Variants in EXOSC5 observed in about 807,000 individuals in gnomAD.
EXOSC5 encodes the protein exosome component 5, also known as exosome complex component RRP46.
In EXOSC5, 15 loss-of-function variants were observed where a neutral mutation model predicts 23.7. That is an observed-to-expected ratio of 0.63 (90% CI 0.42 to 0.97). The LOEUF (loss-of-function observed/expected upper bound fraction) is 0.97. Among genes scored for constraint, EXOSC5 ranks in the 50% least tolerant of loss-of-function variants. The pLI is 0.00. For synonymous variants in EXOSC5, 143 were observed against 140.9 expected (o/e 1.02, Z -0.11); for missense variants, 305 against 316.3 (o/e 0.96, Z 0.27).
At chr19:41,393,291 T>G (rs528487395) in intron 1 of EXOSC5, among the ~76,000 whole-genome samples, 198 of 152,284 alleles carry the variant, frequency 1.3e-3, no homozygotes, top group Admixed American at 2.7e-3. Flanking sequence ...TCAGGCAGGG[T>G]CTCACTCTCA....
chr19:41,396,079 C>T (rs995585522), intron 1 of EXOSC5, among the ~76,000 whole-genome samples: 5 of 152,172 alleles, frequency 3.3e-5, no homozygotes, highest in African/African-American at 1.2e-4. Flanking sequence ...ACAATCAACA[C>T]AGCAGCCAAA....
At chr19:41,395,141 C>CT (rs1435285490) in intron 1 of EXOSC5, among the ~76,000 whole-genome samples, 3 of 152,006 alleles carry the variant, frequency 2.0e-5, no homozygotes, top group Non-Finnish European at 4.4e-5. Flanking sequence ...TTAATTCTTA[C>CT]GTTCGAAGAA....
chr19:41,386,396 T>G lies in EXOSC5; in HGVS notation c.*237A>C. 1 of 488,070 alleles carries G rather than the reference T, an allele frequency of 2.0e-6. No homozygotes were observed. Among genetic ancestry groups the G allele is most frequent in the Non-Finnish European group, 3.7e-6 (1 of 272,870 alleles). 30.2% of individuals were successfully genotyped at this position (488,070 alleles called of 1,614,324 possible). The stretch of plus-strand genomic sequence containing the variant: ...TTGTTAAAGTGAATTAATTTATTGA[T>G]TCATCCATTCCATAAATGTGAGCTC... On this transcript the variant is annotated 3_prime_UTR_variant, in exon 6 of 6. Coordinates refer to ENST00000221233, the MANE Select transcript of EXOSC5 (RefSeq NM_020158.4).
At chr19:41,392,220 A>G in intron 2 of EXOSC5, 1 of 494,304 alleles carries the variant, frequency 2.0e-6, no homozygotes, top group Non-Finnish European at 3.5e-6. Flanking sequence ...GCTGCTACCC[A>G]CGCCCACTCC....
chr19:41,393,087 T>C, intron 1 of EXOSC5, 107 bp from the exon 2 acceptor site: 2 of 786,914 alleles, frequency 2.5e-6, no homozygotes, highest in South Asian at 2.9e-5. Context: ...CCCCGCCATT[T>C]GTTGGTACTG....
At position 41,391,914 on chromosome 19, in the gene EXOSC5, G is replaced by A. The variant is rs1293880910; in HGVS notation, c.311C>T (p.Ala104Val). 5.7e-6 allele frequency: 9 copies of A among 1,574,954 alleles called. No individual in the cohort carries two copies. The Admixed American group carries it at 7.6e-5, about 13-fold the overall frequency. Reference protein sequence around the residue: ...RERLIRNTCEAVVLGTLHPRT... With the variant: ...RERLIRNTCEVVVLGTLHPRT... Reference sequence around the variant, plus strand: ...GGGGTGCAACGTGCCCAGCACCACCGCCTCGCACGTGTTCCTGATCAGCCG... The same window carrying A: ...GGGGTGCAACGTGCCCAGCACCACCACCTCGCACGTGTTCCTGATCAGCCG... Residue 104 changes from alanine to valine, a missense_variant, in exon 3 of 6, where the codon GCG becomes GTG. Ala to Val is a moderately conservative substitution (Grantham distance 64, BLOSUM62 0). Coordinates refer to ENST00000221233, the MANE Select transcript of EXOSC5 (RefSeq NM_020158.4).
chr19:41,394,970 G>T (rs1387042552), intron 1 of EXOSC5, among the ~76,000 whole-genome samples: 4 of 151,162 alleles, frequency 2.6e-5, no homozygotes, highest in Admixed American at 6.6e-5. Flanking sequence ...GGAGGTGGAG[G>T]GTGCAGTGAG....
chr19:41,389,753 C>T lies in EXOSC5; in HGVS notation c.525+12G>A, dbSNP rs763469315. 3 of 1,611,010 alleles carry T rather than the reference C, an allele frequency of 1.9e-6. No homozygotes were observed. The South Asian group carries it at 3.3e-5, about 18-fold the overall frequency. On this transcript the variant is annotated intron_variant, in intron 4 of 5. Coordinates refer to ENST00000221233, the MANE Select transcript of EXOSC5 (RefSeq NM_020158.4). ...GCCTCTGCCCTTCAGCCACCCTGGT[C>T]TTCACACCTACCTTTTCTTGCTTGG...
intron 1 of EXOSC5, 57 bp downstream of exon 1, chr19:41,397,124 G>T (rs902853022): frequency 5.1e-6 from 8 of 1,560,236 alleles, no homozygotes; most frequent in Non-Finnish European, 7.0e-6. Context: ...GTGGGCACTC[G>T]GTTGCACAGT....
At chr19:41,387,738 C>T (rs1350149461) in intron 4 of EXOSC5, 135 bp from the exon 5 acceptor site, 2 of 413,876 alleles carry the variant, frequency 4.8e-6, no homozygotes, top group Non-Finnish European at 8.2e-6. Flanking sequence ...CAGGGCACTG[C>T]TTGAGGCCAG....
chr19:41,392,946 C>T lies in EXOSC5; in HGVS notation c.183G>A (p.Pro61=), dbSNP rs545745457. ...DTSVLAGVYG[P]AEVKVSKEIF... is the part of the protein sequence containing the mutation. Reference sequence around the variant, plus strand: ...TCTCTTTGCTGACCTTCACCTCGGCCGGCCCGTACACACCCGCCAGGACAG... The same window carrying T: ...TCTCTTTGCTGACCTTCACCTCGGCTGGCCCGTACACACCCGCCAGGACAG... Residue 61 remains proline, a synonymous_variant, in exon 2 of 6, where the codon CCG becomes CCA. Coordinates refer to ENST00000221233, the MANE Select transcript of EXOSC5 (RefSeq NM_020158.4). The T allele has an allele frequency of 9.3e-6, 15 of 1,613,556 alleles. No individual in the cohort carries two copies. The highest frequency in any genetic ancestry group is 4.0e-5 in the African/African-American group (3 of 75,016).
At chr19:41,391,605 A>G (rs1002220621) in intron 3 of EXOSC5, 7 of 462,014 alleles carry the variant, frequency 1.5e-5, no homozygotes, top group African/African-American at 1.0e-4. Context: ...TGGCTCTGCC[A>G]CTTCCACGGG....
chr19:41,393,184 G>A (rs2039037121), intron 1 of EXOSC5, among the ~76,000 whole-genome samples: 1 of 152,228 alleles, frequency 6.6e-6, no homozygotes, highest in Admixed American at 6.5e-5. Context: ...GAGGATCAAA[G>A]GACACAATTC....
intron 3 of EXOSC5, among the ~76,000 whole-genome samples, chr19:41,390,502 A>G (rs1300448356): frequency 6.6e-6 from 1 of 152,250 alleles, no homozygotes; most frequent in Non-Finnish European, 1.5e-5. Flanking sequence ...GTACTGAAGT[A>G]CGTACCACAC....
At chr19:41,396,152 A>C (rs1599943330) in intron 1 of EXOSC5, among the ~76,000 whole-genome samples, 1 of 151,714 alleles carries the variant, frequency 6.6e-6, no homozygotes, top group Admixed American at 6.6e-5. Flanking sequence ...CTTTGGGAGG[A>C]GGATTGCTTG....
chr19:41,386,563 C>G lies in EXOSC5; in HGVS notation c.*70G>C, dbSNP rs781656020. On this transcript the variant is annotated 3_prime_UTR_variant, in exon 6 of 6. Transcript: ENST00000221233. ...GGGTCAGAGAGGCAAGGCTGGGCTG[C>G]TGGTTTGCTTCAGGCTGTAGGGGGT... 1.4e-6 allele frequency: 2 copies of G among 1,469,204 alleles called. No homozygotes were observed. Among genetic ancestry groups the G allele is most frequent in the Admixed American group, 4.0e-5 (2 of 50,304 alleles). The allele number at this position is 1,469,204 out of a possible 1,614,324, so 91.0% of individuals were successfully genotyped here. A position where few individuals can be genotyped will look rare whatever the true frequency, so the allele number is the denominator to read the frequency against.
At chr19:41,390,093 C>T (rs749592839) in intron 3 of EXOSC5, among the ~76,000 whole-genome samples, 188 bp from the exon 4 acceptor site, 1 of 152,046 alleles carries the variant, frequency 6.6e-6, no homozygotes, top group Non-Finnish European at 1.5e-5. Flanking sequence ...CCACCACACC[C>T]GGCTAATCTT....
chr19:41,391,780 TCCG>T, intron 3 of EXOSC5, 58 bp downstream of exon 3: 1 of 1,460,526 alleles, frequency 6.8e-7, no homozygotes. Flanking sequence ...GGTATATGTA[TCCG>T]CCAGGAGGGA....
At chr19:41,392,299 G>A (rs574640449) in intron 2 of EXOSC5, among the ~76,000 whole-genome samples, 1 of 152,284 alleles carries the variant, frequency 6.6e-6, no homozygotes, top group Admixed American at 6.5e-5. Flanking sequence ...ACAGGTTAAT[G>A]GTCCAGGCAC....
Sources: gnomAD v4.1 joint callset for allele counts (sites outside exome capture counted in the v4.1 genomes callset) on GRCh38, gnomAD v4.1.1 for gene constraint, MANE v1.5 for transcripts, NCBI Gene and HGNC (gene_info 2026-07-23, HGNC 2026-07-21) for gene names.